Variants in AGBL1 observed in about 807,000 individuals in gnomAD.
AGBL1 encodes cytosolic carboxypeptidase 4.
In AGBL1, 130 loss-of-function variants were observed where a neutral mutation model predicts 118.9. The ratio of observed to expected loss-of-function variants is 1.09; its 90% CI spans 0.95 to 1.26. The LOEUF (loss-of-function observed/expected upper bound fraction) is 1.26, where lower values mean the gene tolerates loss of function less well. AGBL1 is among the 50% of genes most tolerant of loss of function. The probability of loss-of-function intolerance (pLI) is 0.00; values close to 1 mark genes in which losing one functional copy is unlikely to be tolerated. For missense variants in AGBL1, 1,584 were observed against 1,298.1 expected (o/e 1.22, Z -3.38); for synonymous variants, 555 against 478.9 (o/e 1.16, Z -2.08).
At chr15:86,370,925 T>C (rs189172316) in intron 17 of AGBL1, among the ~76,000 whole-genome samples, 1 of 152,192 alleles carries the variant, frequency 6.6e-6, no homozygotes, top group Non-Finnish European at 1.5e-5. Context: ...TGCCTCTGCA[T>C]GTGAAGCATG....
At chr15:86,597,515 T>C (rs28604897) in intron 21 of AGBL1, among the ~76,000 whole-genome samples, 3,972 of 152,228 alleles carry the variant, frequency 0.026, 151 homozygotes, top group African/African-American at 0.085. Flanking sequence ...AGTGTACCAC[T>C]AGAAGTATAA....
At chr15:86,998,174 C>A (rs1030369491) in intron 24 of AGBL1, among the ~76,000 whole-genome samples, 4 of 152,072 alleles carry the variant, frequency 2.6e-5, no homozygotes, top group Non-Finnish European at 5.9e-5. Context: ...ATGATCTAGT[C>A]TAGTGACTTG....
intron 24 of AGBL1, among the ~76,000 whole-genome samples, chr15:86,999,735 T>A (rs1335158210): frequency 2.7e-5 from 4 of 150,438 alleles, no homozygotes; most frequent in Non-Finnish European, 3.0e-5. Flanking sequence ...CATTTGGGTA[T>A]ATACCCAGTA....
At chr15:86,579,076 C>T (rs1056413630) in intron 21 of AGBL1, among the ~76,000 whole-genome samples, 1 of 152,108 alleles carries the variant, frequency 6.6e-6, no homozygotes, top group African/African-American at 2.4e-5. Context: ...GATGTGAAAA[C>T]CTAGATGAAA....
At chr15:86,700,618 C>T (rs550944147) in intron 22 of AGBL1, among the ~76,000 whole-genome samples, 1 of 151,928 alleles carries the variant, frequency 6.6e-6, no homozygotes. Flanking sequence ...AAGATATAAT[C>T]AAAACTTGCA....
intron 18 of AGBL1, among the ~76,000 whole-genome samples, chr15:86,456,886 G>A (rs188124105): frequency 1.4e-4 from 22 of 152,178 alleles, no homozygotes; most frequent in Non-Finnish European, 2.9e-4. Flanking sequence ...TATTAACTAG[G>A]TTGAATGACC....
chr15:86,631,333 C>T (rs1027288122), intron 21 of AGBL1, among the ~76,000 whole-genome samples: 4 of 152,132 alleles, frequency 2.6e-5, no homozygotes, highest in Non-Finnish European at 4.4e-5. Flanking sequence ...ATTCATTGAG[C>T]ACTCTTTGTG....
At position 87,025,764 on chromosome 15, in the gene AGBL1, A is replaced by G. The variant is rs545688370; in HGVS notation, c.3324-3061A>G. Among the ~76,000 whole-genome samples, 3 of 152,208 alleles carry G rather than the reference A, an allele frequency of 2.0e-5. No individual in the cohort carries two copies. In the South Asian group the frequency reaches 6.2e-4, roughly 32 times the overall value. On this transcript the variant is annotated intron_variant, in intron 24 of 24. Transcript: ENST00000441037. ...ACTACCTGATTTCAAACTATACTAT[A>G]AGGCCATAGTCACCAAGACAGCATG...
intron 22 of AGBL1, among the ~76,000 whole-genome samples, chr15:86,707,986 C>G (rs918982621): frequency 1.3e-5 from 2 of 152,146 alleles, no homozygotes; most frequent in Admixed American, 6.6e-5. Flanking sequence ...TACTCAGTCT[C>G]AAAACATTGA....
At chr15:86,701,196 C>G (rs568966369) in intron 22 of AGBL1, among the ~76,000 whole-genome samples, 32 of 152,078 alleles carry the variant, frequency 2.1e-4, no homozygotes, top group African/African-American at 6.3e-4. Flanking sequence ...CCTGTGTGCT[C>G]TTTATAAAGT....
chr15:86,615,634 C>A lies in AGBL1; in HGVS notation c.2995-58639C>A, dbSNP rs1299593377. ...GCAATCTAATCTGAGTGTAACAGAG[C>A]ACTGAGGCTCCGGTTCACCTCTGGA... On this transcript the variant is annotated intron_variant, in intron 21 of 22. Transcript: ENST00000614907. The surrounding 1 kb of genome is among the most constrained non-coding windows in gnomAD (Gnocchi z 4.3). Among the ~76,000 whole-genome samples the A allele has an allele frequency of 6.6e-6, 1 of 152,176 alleles. No individual in the cohort carries two copies. Among genetic ancestry groups the A allele is most frequent in the Non-Finnish European group, 1.5e-5 (1 of 68,040 alleles).
At chr15:86,549,811 A>G (rs1184583300) in intron 20 of AGBL1, among the ~76,000 whole-genome samples, 1 of 150,214 alleles carries the variant, frequency 6.7e-6, no homozygotes, top group African/African-American at 2.4e-5. Context: ...GGATAATTAG[A>G]ACAGAAAGAA....
intron 22 of AGBL1, among the ~76,000 whole-genome samples, chr15:86,876,515 A>G (rs1321930345): frequency 3.3e-5 from 5 of 152,066 alleles, no homozygotes; most frequent in Admixed American, 3.3e-4. Context: ...TCCTCTTGGG[A>G]TTGGTTGCCA....
chr15:86,870,451 C>T (rs1452272902), intron 22 of AGBL1, among the ~76,000 whole-genome samples: 3 of 31,980 alleles, frequency 9.4e-5, no homozygotes, highest in Non-Finnish European at 1.6e-4. Flanking sequence ...GTAAAGCATA[C>T]TGCAAAAAAA....
At chr15:86,933,179 C>T (rs1374019007) in intron 23 of AGBL1, among the ~76,000 whole-genome samples, 2 of 152,280 alleles carry the variant, frequency 1.3e-5, no homozygotes, top group Non-Finnish European at 1.5e-5. Flanking sequence ...AGAAATCTAA[C>T]GTGGCTGACT....
chr15:86,562,527 C>G (rs1291751281), intron 21 of AGBL1, among the ~76,000 whole-genome samples: 1 of 152,200 alleles, frequency 6.6e-6, no homozygotes, highest in Non-Finnish European at 1.5e-5. Context: ...TTTTGATGTG[C>G]TGCTGGATTT....
intron 5 of AGBL1, among the ~76,000 whole-genome samples, chr15:86,166,239 G>A (rs1012750159): frequency 2.6e-5 from 4 of 152,308 alleles, no homozygotes; most frequent in Admixed American, 2.6e-4. Flanking sequence ...CTATGTGCCT[G>A]TCTCAATGTT....
chr15:87,020,219 T>C (rs76170545), intron 24 of AGBL1, among the ~76,000 whole-genome samples: 7,463 of 152,232 alleles, frequency 0.049, 234 homozygotes, highest in Middle Eastern at 0.11. Context: ...CTGAATGTCA[T>C]TGATCACATA....
At chr15:86,603,127 G>A (rs1822568370) in intron 21 of AGBL1, among the ~76,000 whole-genome samples, 1 of 152,114 alleles carries the variant, frequency 6.6e-6, no homozygotes, top group African/African-American at 2.4e-5. Context: ...AGCCAGAGGA[G>A]GTGGTTTCCT....
Sources: gnomAD v4.1 joint callset for allele counts (sites outside exome capture counted in the v4.1 genomes callset) on GRCh38, gnomAD v4.1.1 for gene constraint, Gnocchi (gnomAD v3.1) non-coding constraint, MANE v1.5 for transcripts, NCBI Gene and HGNC (gene_info 2026-07-23, HGNC 2026-07-21) for gene names.